Variants in PPP2R2C observed in about 807,000 individuals in gnomAD.
The protein encoded by PPP2R2C is protein phosphatase 2 regulatory subunit Bgamma, also known as protein phosphatase 2, regulatory subunit B, gamma.
Under a neutral mutation model 45.3 loss-of-function variants are expected in PPP2R2C, and 10 were observed. The observed-to-expected ratio is 0.22, with a 90% confidence interval of 0.14 to 0.37. The LOEUF is 0.37. Among genes scored for constraint, PPP2R2C ranks in the 10% least tolerant of loss-of-function variants. PPP2R2C has a pLI of 1.00. For missense variants in PPP2R2C, 308 were observed against 619.7 expected, an observed-to-expected ratio of 0.50 and a Z score of 5.34; for synonymous variants, 257 against 245.4, an observed-to-expected ratio of 1.05 and a Z score of -0.44.
At chr4:6,446,892 A>C (rs1411612210) in intron 1 of PPP2R2C, among the ~76,000 whole-genome samples, 2 of 151,476 alleles carry the variant, frequency 1.3e-5, no homozygotes, top group Non-Finnish European at 2.9e-5. Flanking sequence ...AAAAAAAAAA[A>C]CAAAACATGC....
Position 6,370,332 on chromosome 4 carries a change from C to T in PPP2R2C, c.625+2191G>A, listed in dbSNP as rs151261574. 5.6e-4 allele frequency among the ~76,000 whole-genome samples: 86 copies of T among 152,364 alleles called. 1 individual carries two copies. Among genetic ancestry groups the T allele is most frequent in the South Asian group, 3.7e-3 (18 of 4,824 alleles). On this transcript the variant is annotated intron_variant, in intron 5 of 8. Transcript: ENST00000382599. ...TCTGAGCACCAAGTGAGACAACGAA[C>T]GGCAGGCTGATTTGTAAACTGTACG...
In PPP2R2C at chr4:6,556,663, G is replaced by C. The variant is rs80183977; in HGVS notation, c.-59+6897C>G. On this transcript the variant is annotated intron_variant, in intron 1 of 9. Transcript: ENST00000506140. The stretch of plus-strand genomic sequence containing the variant: ...CACCTTGTCATCATCCTGCAACCTT[G>C]TTCTTTCCAGAGCCCTGCCCAGCTT... 8.6e-3 allele frequency among the ~76,000 whole-genome samples: 1,306 copies of C among 152,222 alleles called. 16 individuals carry two copies. The highest frequency in any genetic ancestry group is 0.03 in the African/African-American group (1,235 of 41,518).
intron 1 of PPP2R2C, among the ~76,000 whole-genome samples, chr4:6,422,194 A>C (rs1183801364): frequency 6.6e-6 from 1 of 152,164 alleles, no homozygotes; most frequent in Non-Finnish European, 1.5e-5. Flanking sequence ...TAAAATATTG[A>C]CTTTCTAACC....
chr4:6,412,897 C>T (rs1271402428), intron 1 of PPP2R2C, among the ~76,000 whole-genome samples: 1 of 152,220 alleles, frequency 6.6e-6, no homozygotes, highest in East Asian at 1.9e-4. Context: ...GAAGTCGCCA[C>T]CTGTGAACCA....
rs1030516545 is a variant in PPP2R2C at position 6,563,163 on chromosome 4, G to C, written c.-59+397C>G. Among the ~76,000 whole-genome samples the C allele has an allele frequency of 6.6e-6, 1 of 152,190 alleles. No individual in the cohort carries two copies. Among genetic ancestry groups the C allele is most frequent in the Admixed American group, 6.5e-5 (1 of 15,284 alleles). On this transcript the variant is annotated intron_variant, in intron 1 of 9. Coordinates refer to the PPP2R2C transcript ENST00000506140. The surrounding 1 kb of genome is among the most constrained non-coding windows in gnomAD (Gnocchi z 5.8). The stretch of plus-strand genomic sequence containing the variant: ...ACCTTCAGCCGGGCAGCGAGGGGGG[G>C]CTCGAGCGCGCCGGTTCTCGGCCGA...
intron 1 of PPP2R2C, among the ~76,000 whole-genome samples, chr4:6,442,634 G>C (rs986490892): frequency 1.3e-5 from 2 of 152,194 alleles, no homozygotes; most frequent in African/African-American, 4.8e-5. Context: ...CTGCGTACCA[G>C]GCACTCACTC....
chr4:6,367,682 T>C (rs1265906475), intron 5 of PPP2R2C, among the ~76,000 whole-genome samples: 1 of 152,186 alleles, frequency 6.6e-6, no homozygotes, highest in Non-Finnish European at 1.5e-5. Flanking sequence ...CAGCCCACAG[T>C]CCTCACACTT....
intron 2 of PPP2R2C, among the ~76,000 whole-genome samples, chr4:6,511,591 GT>G (rs1560594051): frequency 0.27 from 10,080 of 37,530 alleles, 4,294 homozygotes; most frequent in East Asian, 0.42. Flanking sequence ...GGTGGTGGTG[GT>G]GGTGATGGGG....
chr4:6,417,576 C>A (rs747275975), intron 1 of PPP2R2C, among the ~76,000 whole-genome samples: 1 of 152,256 alleles, frequency 6.6e-6, no homozygotes, highest in Non-Finnish European at 1.5e-5. Flanking sequence ...GCCTGGCACA[C>A]CCATGCCAGG....
chr4:6,445,298 A>C (rs1421652310), intron 1 of PPP2R2C, among the ~76,000 whole-genome samples: 1 of 152,220 alleles, frequency 6.6e-6, no homozygotes, highest in Admixed American at 6.5e-5. Context: ...TATGTTCACT[A>C]TCTAGCTAAG....
intron 1 of PPP2R2C, among the ~76,000 whole-genome samples, chr4:6,408,126 A>C (rs1351384989): frequency 6.6e-6 from 1 of 152,234 alleles, no homozygotes; most frequent in East Asian, 1.9e-4. Context: ...TCTATCGCTC[A>C]GCACTAACTT....
chr4:6,377,201 G>A (rs1341445431), intron 3 of PPP2R2C, among the ~76,000 whole-genome samples: 1 of 152,220 alleles, frequency 6.6e-6, no homozygotes, highest in Non-Finnish European at 1.5e-5. Context: ...AAGGCGTGGG[G>A]ACAGCACCTC....
At chr4:6,374,928 C>A (rs375818399) in intron 4 of PPP2R2C, among the ~76,000 whole-genome samples, 3 of 152,152 alleles carry the variant, frequency 2.0e-5, no homozygotes, top group East Asian at 1.9e-4. Context: ...GAGGACAGAC[C>A]AGGGCACCCA....
chr4:6,510,041 C>A (rs1287611946), intron 2 of PPP2R2C, among the ~76,000 whole-genome samples: 1 of 152,186 alleles, frequency 6.6e-6, no homozygotes, highest in Non-Finnish European at 1.5e-5. Context: ...CCAGCCACAT[C>A]TCTCACCTGC....
intron 1 of PPP2R2C, among the ~76,000 whole-genome samples, chr4:6,410,179 C>G (rs1718068326): frequency 6.6e-6 from 1 of 152,226 alleles, no homozygotes; most frequent in African/African-American, 2.4e-5. Flanking sequence ...CCTCAGCGAG[C>G]TGATGAAGCA....
At chr4:6,484,371 A>G (rs1027027439) in intron 2 of PPP2R2C, among the ~76,000 whole-genome samples, 2 of 151,944 alleles carry the variant, frequency 1.3e-5, no homozygotes, top group African/African-American at 4.8e-5. Context: ...TATCACTTGT[A>G]TAAATTACTG....
chr4:6,342,127 C>T (rs55651462), intron 6 of PPP2R2C, among the ~76,000 whole-genome samples: 2,866 of 114,252 alleles, frequency 0.025, 97 homozygotes, highest in African/African-American at 0.092. Context: ...CACACACACA[C>T]ATACATATAT....
chr4:6,411,582 T>A (rs1172397135), intron 1 of PPP2R2C, among the ~76,000 whole-genome samples: 2 of 151,106 alleles, frequency 1.3e-5, no homozygotes, highest in Middle Eastern at 3.2e-3. Context: ...AGAGGGAGTC[T>A]TGCTCTATGG....
At chr4:6,394,642 G>C (rs531325834) in intron 1 of PPP2R2C, among the ~76,000 whole-genome samples, 1 of 152,264 alleles carries the variant, frequency 6.6e-6, no homozygotes, top group East Asian at 1.9e-4. Flanking sequence ...CCCATCCCAG[G>C]ATGGGGGGCA....
Sources: gnomAD v4.1 joint callset for allele counts (sites outside exome capture counted in the v4.1 genomes callset) on GRCh38, gnomAD v4.1.1 for gene constraint, Gnocchi (gnomAD v3.1) non-coding constraint, MANE v1.5 for transcripts, NCBI Gene and HGNC (gene_info 2026-07-23, HGNC 2026-07-21) for gene names.